SMG1: variants seen among roughly 807,000 people sequenced by gnomAD.
SMG1 encodes serine/threonine-protein kinase SMG1.
In SMG1, 22 loss-of-function variants were observed where a neutral mutation model predicts 419.9. The observed-to-expected ratio is 0.05, with a 90% CI of 0.04 to 0.07. The LOEUF (loss-of-function observed/expected upper bound fraction) is 0.07. Ranked by LOEUF, SMG1 falls within the 10% of genes least tolerant of loss-of-function variation. The probability of loss-of-function intolerance (pLI) is 1.00; values close to 1 mark genes in which losing one functional copy is unlikely to be tolerated. For missense variants in SMG1, 3,185 were observed against 4,342.0 expected (o/e 0.73, Z 7.49); for synonymous variants, 1,538 against 1,553.5 (o/e 0.99, Z 0.23).
Position 18,883,103 on chromosome 16 carries a change from T to G in SMG1, c.1120-765A>C, listed in dbSNP as rs748955294. Among the ~76,000 whole-genome samples, 6 of 152,306 alleles carry G rather than the reference T, an allele frequency of 3.9e-5. No individual in the cohort carries two copies. The East Asian group carries it at 1.2e-3, about 29-fold the overall frequency. On this transcript the variant is annotated intron_variant, in intron 9 of 62. Coordinates refer to ENST00000446231, the MANE Select transcript of SMG1 (RefSeq NM_015092.5). ...AACAAATCAGTACAGCTAAAGGTACTGAATTCCTGTCGACTACAAGCAGCA... is the reference window on the plus strand; with the variant it reads ...AACAAATCAGTACAGCTAAAGGTACGGAATTCCTGTCGACTACAAGCAGCA...
intron 60 of SMG1, among the ~76,000 whole-genome samples, chr16:18,812,575 C>CACACATATATATACATATATAT (rs201270039): frequency 4.0e-5 from 6 of 150,554 alleles, no homozygotes; most frequent in Non-Finnish European, 5.9e-5. Context: ...TATATATACA[C>CACACATATATATACATATATAT]ACACATATAT....
intron 1 of SMG1, among the ~76,000 whole-genome samples, chr16:18,903,722 C>G (rs2037439939): frequency 6.6e-6 from 1 of 152,150 alleles, no homozygotes; most frequent in Non-Finnish European, 1.5e-5. Flanking sequence ...AAAGGCAGAG[C>G]CAGAACTCAG....
chr16:18,832,582 GCA>G (rs3222694), intron 51 of SMG1, among the ~76,000 whole-genome samples: 68,008 of 148,172 alleles, frequency 0.46, 15,929 homozygotes, highest in Middle Eastern at 0.57. Context: ...CTATACACTT[GCA>G]CACACACACA....
At chr16:18,883,556 G>A (rs1023707702) in intron 9 of SMG1, among the ~76,000 whole-genome samples, 2 of 152,216 alleles carry the variant, frequency 1.3e-5, no homozygotes, top group Non-Finnish European at 2.9e-5. Flanking sequence ...TGCGAAATAC[G>A]AAGCTTGCAA....
In SMG1 at chr16:18,847,549, A is replaced by C; in HGVS notation, c.5900T>G (p.Leu1967Arg). ...CATGTGTTGTTGCAGCAAAACTCCC[A>C]GCCAGAGCTCATCCCAGAGCACAGT... ...RVTVLWDELWLGVLLQQHMYV... is the reference protein window; with the variant it reads ...RVTVLWDELWRGVLLQQHMYV... Residue 1967 changes from leucine (L) to arginine (R), a missense_variant, in exon 38 of 63, where the codon CTG (leucine) becomes CGG (arginine). Physicochemically the swap from Leu to Arg is moderately radical, Grantham distance 102 (BLOSUM62 -2). Transcript: ENST00000446231. 6.2e-7 allele frequency: 1 copy of C among 1,614,032 alleles called. No individual in the cohort carries two copies. The highest frequency in any genetic ancestry group is 8.5e-7 in the Non-Finnish European group (1 of 1,179,880).
chr16:18,903,559 G>A (rs1266691765), intron 1 of SMG1, among the ~76,000 whole-genome samples: 2 of 152,164 alleles, frequency 1.3e-5, no homozygotes, highest in Non-Finnish European at 1.5e-5. Context: ...CCCTCAGCAA[G>A]AGCTAACATT....
chr16:18,863,593 G>C (rs2035325178), intron 25 of SMG1, 57 bp downstream of exon 25: 1 of 1,468,898 alleles, frequency 6.8e-7, no homozygotes, highest in African/African-American at 1.4e-5. Context: ...TCTTGCCATA[G>C]GAAAAACATC....
At position 18,807,650 on chromosome 16, in the gene SMG1, T is replaced by C. The variant is rs976709457; in HGVS notation, c.*1919A>G. The C allele has an allele frequency of 6.6e-6, 1 of 152,190 alleles. No homozygotes were observed. The highest frequency in any genetic ancestry group is 2.4e-5 in the African/African-American group (1 of 41,454). 9.4% of individuals were successfully genotyped at this position (152,190 alleles called of 1,614,324 possible). A position where few individuals can be genotyped will look rare whatever the true frequency, so the allele number is the denominator to read the frequency against. On this transcript the variant is annotated 3_prime_UTR_variant, in exon 63 of 63. Coordinates refer to ENST00000446231, the MANE Select transcript of SMG1 (RefSeq NM_015092.5). ...AAAAAAGGCCCAGAGCTATGTGGAA[T>C]TTTTTCCTTAATACCTTTCAAGTTT...
chr16:18,873,875 T>C (rs1218032411), intron 13 of SMG1, among the ~76,000 whole-genome samples: 1 of 152,220 alleles, frequency 6.6e-6, no homozygotes, highest in Non-Finnish European at 1.5e-5. Context: ...CCCACCCACT[T>C]TCTCCTTATT....
At chr16:18,913,631 A>G (rs542534666) in intron 1 of SMG1, among the ~76,000 whole-genome samples, 109 of 152,190 alleles carry the variant, frequency 7.2e-4, no homozygotes, top group African/African-American at 2.4e-3. Flanking sequence ...CCAAAAACAA[A>G]TATCTAGTAA....
At position 18,869,275 on chromosome 16, in the gene SMG1, A is replaced by T; in HGVS notation, c.2662T>A (p.Tyr888Asn). 2.5e-6 allele frequency: 4 copies of T among 1,611,346 alleles called. No homozygotes were observed. The highest frequency in any genetic ancestry group is 4.5e-4 in the Middle Eastern group (2 of 4,430). Residue 888 changes from tyrosine (Y) to asparagine (N), a missense_variant, in exon 20 of 63, where the codon TAT (tyrosine) becomes AAT (asparagine). Tyr to Asn is a moderately radical substitution (Grantham distance 143). Transcript: ENST00000446231. ...GKDNWLERLF[Y>N]SCQRLDKRDQ... ...CGCTTATCCAGTCTCTGGCAGCTAT[A>T]GAACAGTCTTTCCAACCAATTGTCC...
At position 18,913,217 on chromosome 16, in the gene SMG1, C is replaced by T. The variant is rs142240224; in HGVS notation, c.92+12733G>A. On this transcript the variant is annotated intron_variant, in intron 1 of 62. Transcript: ENST00000446231. Reference sequence around the variant, plus strand: ...TTCCACTATTAAAATCAAATTAGGGCCTGGAAATTAAGTGTTAACACTTCA... The same window carrying T: ...TTCCACTATTAAAATCAAATTAGGGTCTGGAAATTAAGTGTTAACACTTCA... Among the ~76,000 whole-genome samples the T allele has an allele frequency of 6.1e-4, 93 of 152,080 alleles. 7 individuals are homozygous for T. In the East Asian group the frequency reaches 0.016, roughly 26 times the overall value.
At chr16:18,847,758 A>G in intron 37 of SMG1, 58 bp downstream of exon 37, 1 of 1,590,120 alleles carries the variant, frequency 6.3e-7, no homozygotes, top group Non-Finnish European at 8.6e-7. Context: ...CAGATTGGCA[A>G]AAGCAATTTT....
intron 1 of SMG1, chr16:18,925,149 G>A (rs1177602244): frequency 1.3e-5 from 2 of 152,076 alleles, no homozygotes; most frequent in African/African-American, 4.8e-5. Flanking sequence ...CCCTCCCATT[G>A]ATCAAAAAGA....
intron 1 of SMG1, among the ~76,000 whole-genome samples, chr16:18,912,071 G>C (rs1372507595): frequency 9.0e-6 from 1 of 111,214 alleles, no homozygotes; most frequent in African/African-American, 3.8e-5. Context: ...AACAGAGCAA[G>C]ATGCCATCTC....
chr16:18,831,771 AT>A (rs990765653), intron 51 of SMG1, among the ~76,000 whole-genome samples: 2 of 65,390 alleles, frequency 3.1e-5, no homozygotes, highest in African/African-American at 1.2e-4. Flanking sequence ...AAAAAAAAAA[AT>A]ACATATATAT....
intron 3 of SMG1, among the ~76,000 whole-genome samples, chr16:18,894,808 G>A (rs1006866479): frequency 1.3e-5 from 2 of 151,662 alleles, no homozygotes; most frequent in East Asian, 3.9e-4. Context: ...CCAATCCTCT[G>A]AACTTTCTTT....
intron 55 of SMG1, among the ~76,000 whole-genome samples, chr16:18,820,416 C>A: frequency 6.6e-6 from 1 of 151,898 alleles, no homozygotes; most frequent in Non-Finnish European, 1.5e-5. Context: ...GTTGCCCAGG[C>A]TGGTCTCAAA....
chr16:18,868,366 G>A lies in SMG1; in HGVS notation c.3031-12C>T, dbSNP rs1437752001. ...AAAGTTCTAATGACCTTTACGATAA[G>A]AGAAAGAAAAGCTCAGGACTGGTTC... On this transcript the variant is annotated splice_polypyrimidine_tract_variant and intron_variant, in intron 21 of 62. Coordinates refer to ENST00000446231, the MANE Select transcript of SMG1 (RefSeq NM_015092.5). The A allele has an allele frequency of 7.1e-6, 9 of 1,266,166 alleles. No homozygotes were observed. Among genetic ancestry groups the A allele is most frequent in the African/African-American group, 3.0e-5 (2 of 67,302 alleles). The allele number at this position is 1,266,166 out of a possible 1,614,324, so 78.4% of individuals were successfully genotyped here.
Sources: allele counts gnomAD v4.1 joint callset (sites outside exome capture counted in the v4.1 genomes callset), GRCh38; gene constraint gnomAD v4.1.1; transcripts MANE v1.5; gene names NCBI Gene and HGNC (gene_info 2026-07-23, HGNC 2026-07-21).